DACH1: variants seen among roughly 807,000 people sequenced by gnomAD.
DACH1 encodes the protein dachshund homolog 1.
In DACH1, 12 loss-of-function variants were observed where a neutral mutation model predicts 54.2. The observed-to-expected ratio is 0.22, with a 90% CI of 0.14 to 0.36. The LOEUF (loss-of-function observed/expected upper bound fraction) is 0.36, where lower values mean the gene tolerates loss of function less well. DACH1 is among the 10% of genes least tolerant of loss of function. The pLI is 1.00. For missense variants in DACH1, 805 were observed against 929.8 expected (o/e 0.87, Z 1.75); for synonymous variants, 386 against 366.2 (o/e 1.05, Z -0.62).
chr13:71,452,116 G>GT (rs1160853381), intron 10 of DACH1, among the ~76,000 whole-genome samples: 1 of 148,112 alleles, frequency 6.8e-6, no homozygotes, highest in East Asian at 1.9e-4. Flanking sequence ...TTGTTTTGTT[G>GT]TTTTTTTGTA....
At chr13:71,558,079 GATC>G (rs1019415254) in intron 5 of DACH1, among the ~76,000 whole-genome samples, 2 of 151,726 alleles carry the variant, frequency 1.3e-5, no homozygotes, top group South Asian at 2.1e-4. Context: ...TCCTGATTTT[GATC>G]ATTTTTCTCT....
intron 1 of DACH1, among the ~76,000 whole-genome samples, chr13:71,765,130 G>A (rs189288515): frequency 1.1e-3 from 173 of 152,146 alleles, no homozygotes; most frequent in Admixed American, 2.9e-3. Flanking sequence ...TTATTCTACC[G>A]TTATCTCAAG....
intron 1 of DACH1, among the ~76,000 whole-genome samples, chr13:71,806,673 A>T (rs2138139634): frequency 6.6e-6 from 1 of 152,292 alleles, no homozygotes; most frequent in Non-Finnish European, 1.5e-5. Context: ...AATTTCCTGA[A>T]CAGATTTCTC....
chr13:71,502,293 T>C (rs1417143701), intron 6 of DACH1, among the ~76,000 whole-genome samples: 3 of 152,166 alleles, frequency 2.0e-5, no homozygotes, highest in Non-Finnish European at 4.4e-5. Context: ...GATTAATTGC[T>C]AAGATACCTA....
intron 6 of DACH1, among the ~76,000 whole-genome samples, chr13:71,528,432 T>C (rs911550463): frequency 1.5e-4 from 21 of 144,532 alleles, no homozygotes; most frequent in African/African-American, 5.3e-4. Context: ...TTTCTTTTTT[T>C]TTTTTTTTTT....
At chr13:71,448,294 G>A (rs144415230) in intron 10 of DACH1, among the ~76,000 whole-genome samples, 22 of 152,240 alleles carry the variant, frequency 1.4e-4, no homozygotes, top group Non-Finnish European at 2.4e-4. Flanking sequence ...AAGAATCTGA[G>A]GTTAATATAA....
chr13:71,674,003 C>T (rs1020652456), intron 2 of DACH1, among the ~76,000 whole-genome samples: 4 of 152,166 alleles, frequency 2.6e-5, no homozygotes, highest in African/African-American at 9.7e-5. Flanking sequence ...GCTACATTAA[C>T]ACACCAGTGT....
chr13:71,510,792 G>A (rs1880716949), intron 6 of DACH1, among the ~76,000 whole-genome samples: 3 of 151,600 alleles, frequency 2.0e-5, no homozygotes, highest in Non-Finnish European at 2.9e-5. Flanking sequence ...CTATTGCAAC[G>A]TTCAGTTTGT....
chr13:71,800,589 A>G (rs1387928417), intron 1 of DACH1, among the ~76,000 whole-genome samples: 5 of 152,036 alleles, frequency 3.3e-5, no homozygotes, highest in Admixed American at 1.3e-4. Context: ...ATCAGGAGAG[A>G]TTTTCCTAAA....
intron 3 of DACH1, chr13:71,573,448 G>A: frequency 1.4e-6 from 1 of 716,792 alleles, no homozygotes; most frequent in Non-Finnish European, 2.6e-6. Context: ...TGCTGAAGAT[G>A]GTTGAGAGGA....
chr13:71,865,886 G>C (rs377041554), intron 1 of DACH1, 36 bp downstream of exon 1: 1 of 1,547,618 alleles, frequency 6.5e-7, no homozygotes, highest in East Asian at 2.5e-5. Flanking sequence ...TGGTGGGAAG[G>C]GGCGCGGGCG....
At chr13:71,637,121 G>A (rs969953706) in intron 2 of DACH1, among the ~76,000 whole-genome samples, 1 of 151,988 alleles carries the variant, frequency 6.6e-6, no homozygotes, top group African/African-American at 2.4e-5. Context: ...GGGGGAGAGA[G>A]ACACCCCAAA....
Position 71,440,568 on chromosome 13 carries a change from G to T in DACH1, c.*87C>A. The T allele has an allele frequency of 9.7e-7, 1 of 1,029,404 alleles. No homozygotes were observed. The highest frequency in any genetic ancestry group is 1.5e-6 in the Non-Finnish European group (1 of 685,802). 63.8% of individuals were successfully genotyped at this position (1,029,404 alleles called of 1,614,324 possible). A position where few individuals can be genotyped will look rare whatever the true frequency, so the allele number is the denominator to read the frequency against. ...AAAATTCAGGAAGTTCCCTTAAAAG[G>T]ACTTTATTTTTTTCTGAACTTTCCC... On this transcript the variant is annotated 3_prime_UTR_variant, in exon 11 of 11. Transcript: ENST00000613252.
chr13:71,454,988 T>TG (rs775403263), intron 10 of DACH1, among the ~76,000 whole-genome samples: 36 of 152,214 alleles, frequency 2.4e-4, no homozygotes, highest in Non-Finnish European at 4.9e-4. Context: ...TTAGTACCTC[T>TG]GTTTGCTTTC....
At chr13:71,557,671 A>T (rs1884337261) in intron 5 of DACH1, among the ~76,000 whole-genome samples, 1 of 152,042 alleles carries the variant, frequency 6.6e-6, no homozygotes. Context: ...AGAAAGTGAT[A>T]AACTTATTGC....
At chr13:71,655,337 C>T (rs1415385424) in intron 2 of DACH1, among the ~76,000 whole-genome samples, 1 of 151,404 alleles carries the variant, frequency 6.6e-6, no homozygotes, top group African/African-American at 2.4e-5. Flanking sequence ...GAAAGCATAG[C>T]AGGCTGACAT....
At chr13:71,801,288 A>G (rs1360255017) in intron 1 of DACH1, among the ~76,000 whole-genome samples, 3 of 152,156 alleles carry the variant, frequency 2.0e-5, no homozygotes, top group Non-Finnish European at 2.9e-5. Context: ...GTTTGCCACC[A>G]GAAATGTCAG....
intron 2 of DACH1, among the ~76,000 whole-genome samples, chr13:71,679,564 G>GA (rs1448212744): frequency 1.3e-5 from 2 of 150,838 alleles, no homozygotes; most frequent in Admixed American, 1.3e-4. Flanking sequence ...ACTAAATACA[G>GA]AAAAAATGAT....
In DACH1 at chr13:71,576,731, G is replaced by C. The variant is rs151239468; in HGVS notation, c.1127-3719C>G. Among the ~76,000 whole-genome samples the C allele has an allele frequency of 3.9e-5, 6 of 152,240 alleles. No individual in the cohort carries two copies. The East Asian group carries it at 1.2e-3, about 29-fold the overall frequency. ...TTCTGTCCCTTAAGAGCCTTGAGCA[G>C]ATTTTGAGTATAATAAATCCACTCT... is the stretch of plus-strand genomic sequence containing the variant. On this transcript the variant is annotated intron_variant, in intron 3 of 10. Coordinates refer to ENST00000613252, the MANE Select transcript of DACH1 (RefSeq NM_080759.6).
Sources: allele counts gnomAD v4.1 joint callset (sites outside exome capture counted in the v4.1 genomes callset), GRCh38; gene constraint gnomAD v4.1.1; transcripts MANE v1.5; gene names NCBI Gene and HGNC (gene_info 2026-07-23, HGNC 2026-07-21).